The following CCNY variants were observed in gnomAD, a reference collection of about 807,000 sequenced individuals.
The protein encoded by CCNY is cyclin-Y.
A neutral mutation model predicts 42.8 loss-of-function variants in CCNY; 19 were observed. The ratio of observed to expected loss-of-function variants is 0.44; its 90% confidence interval spans 0.31 to 0.65. CCNY has a LOEUF of 0.65. CCNY is among the 30% of genes least tolerant of loss of function. CCNY has a pLI of 0.07. For missense variants in CCNY, 370 were observed against 437.3 expected (o/e 0.85, Z 1.37); for synonymous variants, 165 against 162.7 (o/e 1.01, Z -0.11).
chr10:35,557,718 C>T (rs1014006885), intron 8 of CCNY, among the ~76,000 whole-genome samples: 2 of 151,946 alleles, frequency 1.3e-5, no homozygotes, highest in African/African-American at 4.8e-5. Context: ...ATCGTGCCAC[C>T]GCACTCCAGC....
At chr10:35,396,055 T>A (rs1162861969) in intron 1 of CCNY, among the ~76,000 whole-genome samples, 1 of 152,110 alleles carries the variant, frequency 6.6e-6, no homozygotes, top group East Asian at 1.9e-4. Context: ...AATGGTGGGC[T>A]CCAGAGGGCT....
At chr10:35,258,460 C>A (rs1278775961) in intron 3 of CCNY, among the ~76,000 whole-genome samples, 1 of 152,168 alleles carries the variant, frequency 6.6e-6, no homozygotes, top group African/African-American at 2.4e-5. Context: ...AGAGTGCTGG[C>A]CCTTCATTTC....
intron 1 of CCNY, among the ~76,000 whole-genome samples, chr10:35,400,973 G>A (rs1837630985): frequency 6.6e-6 from 1 of 152,224 alleles, no homozygotes; most frequent in African/African-American, 2.4e-5. Context: ...GAGAAGAGAA[G>A]AGACTTTCTC....
intron 3 of CCNY, among the ~76,000 whole-genome samples, chr10:35,297,824 C>T (rs1259548992): frequency 6.6e-6 from 1 of 152,094 alleles, no homozygotes; most frequent in African/African-American, 2.4e-5. Context: ...CAAAACACTG[C>T]TCAAGGAAAT....
chr10:35,561,720 C>T (rs915110677), intron 8 of CCNY, among the ~76,000 whole-genome samples: 1 of 152,338 alleles, frequency 6.6e-6, no homozygotes, highest in Admixed American at 6.5e-5. Flanking sequence ...AAGAATTATC[C>T]AACAGTGAGA....
At chr10:35,291,207 A>G (rs933119192) in intron 3 of CCNY, among the ~76,000 whole-genome samples, 51 of 152,032 alleles carry the variant, frequency 3.4e-4, no homozygotes, top group South Asian at 2.1e-3. Flanking sequence ...GGGTTTCACC[A>G]TGTTGGCCAG....
At chr10:35,498,173 A>G (rs917880877) in intron 2 of CCNY, among the ~76,000 whole-genome samples, 4 of 151,822 alleles carry the variant, frequency 2.6e-5, no homozygotes, top group Non-Finnish European at 4.4e-5. Flanking sequence ...AGCCAGGGAA[A>G]CTCCTGGGTA....
intron 3 of CCNY, chr10:35,315,405 C>T (rs573647808): frequency 6.6e-6 from 1 of 152,310 alleles, no homozygotes; most frequent in African/African-American, 2.4e-5. Flanking sequence ...AGGATGATGG[C>T]CTCCAGCTCC....
chr10:35,398,492 G>A (rs1837573023), intron 1 of CCNY, among the ~76,000 whole-genome samples: 1 of 152,146 alleles, frequency 6.6e-6, no homozygotes, highest in African/African-American at 2.4e-5. Context: ...GGTCATTTAT[G>A]TGTCTGGCTG....
chr10:35,267,423 A>G (rs987078368), intron 3 of CCNY, among the ~76,000 whole-genome samples: 1 of 152,154 alleles, frequency 6.6e-6, no homozygotes, highest in Middle Eastern at 3.2e-3. Context: ...GACATGCTCA[A>G]ACACTCTGGG....
At chr10:35,525,172 A>C (rs778945476) in intron 4 of CCNY, among the ~76,000 whole-genome samples, 1 of 152,230 alleles carries the variant, frequency 6.6e-6, no homozygotes, top group Non-Finnish European at 1.5e-5. Flanking sequence ...TAATGATAAA[A>C]AAAAGTTAAC....
At chr10:35,556,939 G>T (rs918048579) in intron 8 of CCNY, among the ~76,000 whole-genome samples, 1 of 151,764 alleles carries the variant, frequency 6.6e-6, no homozygotes, top group Non-Finnish European at 1.5e-5. Flanking sequence ...TCGCTTCCCG[G>T]GTTCAAGCAA....
At position 35,501,357 on chromosome 10, in the gene CCNY, T is replaced by A. The variant is rs536130166; in HGVS notation, c.230-144T>A. 17 of 681,478 alleles carry A rather than the reference T, an allele frequency of 2.5e-5. No homozygotes were observed. In the South Asian group the frequency reaches 2.9e-4, roughly 11 times the overall value. 42.2% of individuals were successfully genotyped at this position (681,478 alleles called of 1,614,324 possible). A position where few individuals can be genotyped will look rare whatever the true frequency, so the allele number is the denominator to read the frequency against. ...CAGATCTGCATTTGTGCAGGTCCTG[T>A]ATTCTTATGTTTGATAAATGAGCAA... On this transcript the variant is annotated intron_variant, in intron 2 of 9. Transcript: ENST00000374704.
In CCNY at chr10:35,530,957, C is replaced by G. The variant is rs1388529397; in HGVS notation, c.579+714C>G. Among the ~76,000 whole-genome samples the G allele has an allele frequency of 6.6e-6, 1 of 152,080 alleles. No individual in the cohort carries two copies. The highest frequency in any genetic ancestry group is 1.9e-4 in the East Asian group (1 of 5,182). ...TGGTGGCACGTACCTGTGGTCCCAG[C>G]TACTTGGAAGGCTGAGGTGAAAGGA... On this transcript the variant is annotated intron_variant, in intron 7 of 9. Coordinates refer to ENST00000374704, the MANE Select transcript of CCNY (RefSeq NM_145012.6). The surrounding 1 kb of genome is among the most constrained non-coding windows in gnomAD (Gnocchi z 4.3).
At chr10:35,469,982 C>T (rs1839356032) in intron 1 of CCNY, among the ~76,000 whole-genome samples, 1 of 120,704 alleles carries the variant, frequency 8.3e-6, no homozygotes, top group African/African-American at 3.3e-5. Context: ...GGAGATAGGG[C>T]AGTGGAGAGA....
intron 1 of CCNY, among the ~76,000 whole-genome samples, chr10:35,470,638 G>A (rs1401213296): frequency 6.6e-6 from 1 of 152,222 alleles, no homozygotes; most frequent in Non-Finnish European, 1.5e-5. Flanking sequence ...GATGGCTTTA[G>A]GTGGGATTAA....
chr10:35,408,901 G>C (rs975149387), intron 1 of CCNY, among the ~76,000 whole-genome samples: 4 of 151,666 alleles, frequency 2.6e-5, no homozygotes, highest in South Asian at 2.1e-4. Flanking sequence ...CATCATAAAT[G>C]CCTCTACTTT....
intron 1 of CCNY, among the ~76,000 whole-genome samples, chr10:35,390,590 C>A (rs1249155040): frequency 6.6e-6 from 1 of 152,156 alleles, no homozygotes; most frequent in Non-Finnish European, 1.5e-5. Flanking sequence ...CTTACCTCTC[C>A]CTTACTTCAG....
intron 3 of CCNY, among the ~76,000 whole-genome samples, chr10:35,323,442 T>C (rs1438805288): frequency 3.9e-5 from 6 of 152,128 alleles, no homozygotes; most frequent in Non-Finnish European, 1.5e-5. Flanking sequence ...ACTGGAAAAA[T>C]ACTCAGTGAT....
Sources: gnomAD v4.1 joint callset for allele counts (sites outside exome capture counted in the v4.1 genomes callset) on GRCh38, gnomAD v4.1.1 for gene constraint, Gnocchi (gnomAD v3.1) non-coding constraint, MANE v1.5 for transcripts, NCBI Gene and HGNC (gene_info 2026-07-23, HGNC 2026-07-21) for gene names.